Variants in FHIT observed in about 807,000 individuals in gnomAD.
The protein encoded by FHIT is fragile histidine triad diadenosine triphosphatase.
FHIT carries 19 observed loss-of-function variants against 17.9 expected under a neutral mutation model. The ratio of observed to expected loss-of-function variants is 1.06; its 90% CI spans 0.74 to 1.56. The LOEUF is 1.56. Ranked by LOEUF, FHIT falls within the 40% of genes most tolerant of loss-of-function variation. The pLI, the probability that FHIT is intolerant of heterozygous loss-of-function variation, is 0.00. For missense variants in FHIT, 248 were observed against 189.2 expected (o/e 1.31, Z -1.82); for synonymous variants, 81 against 69.7 (o/e 1.16, Z -0.81).
chr3:60,413,393 C>G (rs1195244252), intron 5 of FHIT, among the ~76,000 whole-genome samples: 1 of 152,086 alleles, frequency 6.6e-6, no homozygotes, highest in Admixed American at 6.5e-5. Flanking sequence ...AACCATGCAA[C>G]GACTTCCCTG....
intron 4 of FHIT, among the ~76,000 whole-genome samples, chr3:60,607,972 T>C (rs1436457763): frequency 6.6e-5 from 10 of 152,126 alleles, no homozygotes; most frequent in Admixed American, 5.9e-4. Flanking sequence ...TCAAGTCTTC[T>C]CCTCCCTGCT....
intron 4 of FHIT, among the ~76,000 whole-genome samples, chr3:60,805,036 A>G (rs1553733530): frequency 1.3e-5 from 2 of 152,256 alleles, no homozygotes; most frequent in East Asian, 3.8e-4. Flanking sequence ...TTGGTAAAGA[A>G]GTAGATGGTC....
At chr3:60,291,926 G>A (rs1708002167) in intron 5 of FHIT, among the ~76,000 whole-genome samples, 1 of 152,128 alleles carries the variant, frequency 6.6e-6, no homozygotes, top group Admixed American at 6.6e-5. Context: ...TTCCCATGGA[G>A]TCTGGCCCTG....
chr3:59,959,283 G>T (rs560485444), intron 7 of FHIT, among the ~76,000 whole-genome samples: 1 of 152,282 alleles, frequency 6.6e-6, no homozygotes, highest in African/African-American at 2.4e-5. Flanking sequence ...CTTTAAAGAT[G>T]TCTCACCATG....
intron 1 of FHIT, among the ~76,000 whole-genome samples, chr3:61,211,453 G>C (rs2039469000): frequency 6.6e-6 from 1 of 152,248 alleles, no homozygotes; most frequent in Non-Finnish European, 1.5e-5. Context: ...GGCTGGGGGA[G>C]GGGCGCCCGC....
At chr3:60,991,294 A>T (rs1337074601) in intron 3 of FHIT, among the ~76,000 whole-genome samples, 1 of 152,202 alleles carries the variant, frequency 6.6e-6, no homozygotes, top group Non-Finnish European at 1.5e-5. Context: ...ACCCGAGGGC[A>T]TTGAGGAGGG....
intron 8 of FHIT, among the ~76,000 whole-genome samples, chr3:59,797,782 G>A (rs1299396632): frequency 2.0e-5 from 3 of 152,124 alleles, no homozygotes; most frequent in Non-Finnish European, 2.9e-5. Flanking sequence ...ATATAGTTCC[G>A]TTGGATTTTT....
At chr3:59,937,526 C>T (rs151244360) in intron 7 of FHIT, among the ~76,000 whole-genome samples, 1 of 152,270 alleles carries the variant, frequency 6.6e-6, no homozygotes, top group African/African-American at 2.4e-5. Context: ...GAATAAATAT[C>T]TCTGGGCCCA....
At chr3:60,482,739 A>C (rs1226048352) in intron 5 of FHIT, among the ~76,000 whole-genome samples, 1 of 152,156 alleles carries the variant, frequency 6.6e-6, no homozygotes, top group Non-Finnish European at 1.5e-5. Flanking sequence ...AAGATCTCAA[A>C]TCAACACCCT....
chr3:60,313,605 G>T (rs1709041594), intron 5 of FHIT, among the ~76,000 whole-genome samples: 1 of 152,108 alleles, frequency 6.6e-6, no homozygotes, highest in African/African-American at 2.4e-5. Flanking sequence ...TGTGGTGCTG[G>T]GTTGATGGCT....
intron 5 of FHIT, among the ~76,000 whole-genome samples, chr3:60,300,717 T>A (rs1014951159): frequency 7.2e-5 from 11 of 152,112 alleles, no homozygotes; most frequent in Admixed American, 6.6e-4. Flanking sequence ...GTTTCCAGTT[T>A]GTCCTGTGTT....
chr3:60,088,522 C>T lies in FHIT; in HGVS notation c.104-74370G>A, dbSNP rs145617687. 4.6e-4 allele frequency among the ~76,000 whole-genome samples: 70 copies of T among 152,266 alleles called. 2 individuals carry two copies. In the East Asian group the frequency reaches 0.012, roughly 27 times the overall value. ...CCTACATCATCATGTCATGGAAACCCCAACTCTAATTCATGATTCATCTTG... is the reference window on the plus strand; with the variant it reads ...CCTACATCATCATGTCATGGAAACCTCAACTCTAATTCATGATTCATCTTG... On this transcript the variant is annotated intron_variant, in intron 5 of 9. Coordinates refer to ENST00000492590, the MANE Select transcript of FHIT (RefSeq NM_002012.4).
chr3:60,575,585 A>C (rs1166923737), intron 4 of FHIT, among the ~76,000 whole-genome samples: 4 of 152,214 alleles, frequency 2.6e-5, no homozygotes, highest in African/African-American at 7.2e-5. Flanking sequence ...AGAATTAAGA[A>C]GACCACAGTA....
At chr3:60,131,564 T>C (rs570501076) in intron 5 of FHIT, among the ~76,000 whole-genome samples, 19 of 152,264 alleles carry the variant, frequency 1.2e-4, no homozygotes, top group African/African-American at 4.3e-4. Context: ...TGTTCCTACC[T>C]AATAAGGGCA....
chr3:60,508,058 T>A (rs1011619761), intron 5 of FHIT, among the ~76,000 whole-genome samples: 4 of 152,146 alleles, frequency 2.6e-5, no homozygotes, highest in African/African-American at 9.7e-5. Flanking sequence ...CTTCATCAGT[T>A]TGTGTTTGAT....
intron 3 of FHIT, among the ~76,000 whole-genome samples, chr3:61,003,819 T>A (rs1185005020): frequency 6.6e-6 from 1 of 152,268 alleles, no homozygotes; most frequent in African/African-American, 2.4e-5. Context: ...AGTTTTTCTC[T>A]TATAGCAGAT....
At chr3:60,146,882 G>C (rs559572418) in intron 5 of FHIT, among the ~76,000 whole-genome samples, 2 of 152,224 alleles carry the variant, frequency 1.3e-5, no homozygotes, top group African/African-American at 2.4e-5. Context: ...GTGTTTTGAA[G>C]AAAAATATGC....
chr3:61,012,316 G>A (rs1419339178), intron 3 of FHIT, among the ~76,000 whole-genome samples: 1 of 152,072 alleles, frequency 6.6e-6, no homozygotes, highest in Non-Finnish European at 1.5e-5. Flanking sequence ...TTGAGTGACT[G>A]AGCAACAAAT....
intron 2 of FHIT, among the ~76,000 whole-genome samples, chr3:61,080,697 T>C (rs79964653): frequency 0.012 from 1,834 of 152,212 alleles, 35 homozygotes; most frequent in African/African-American, 0.042. Flanking sequence ...TCTAATCATA[T>C]TGAATATTTA....
Sources: allele counts gnomAD v4.1 joint callset (sites outside exome capture counted in the v4.1 genomes callset), GRCh38; gene constraint gnomAD v4.1.1; transcripts MANE v1.5; gene names NCBI Gene and HGNC (gene_info 2026-07-23, HGNC 2026-07-21).